Variants in TMEM65 observed in about 807,000 individuals in gnomAD.
TMEM65 encodes the protein transmembrane protein 65.
TMEM65 carries 22 observed loss-of-function variants against 25.4 expected under a neutral mutation model. The observed-to-expected ratio is 0.86, with a 90% CI of 0.62 to 1.23. TMEM65 has a LOEUF of 1.23. Among genes scored for constraint, TMEM65 ranks in the 50% most tolerant of loss-of-function variants. TMEM65 has a pLI of 0.00. For missense variants in TMEM65, 262 were observed against 308.2 expected (o/e 0.85, Z 1.12); for synonymous variants, 132 against 126.2 (o/e 1.05, Z -0.31).
At chr8:124,330,467 C>T (rs1422196713) in intron 2 of TMEM65, among the ~76,000 whole-genome samples, 1 of 151,760 alleles carries the variant, frequency 6.6e-6, no homozygotes, top group East Asian at 1.9e-4. Context: ...ATCCTTTTTC[C>T]TAGAAATTAA....
intron 1 of TMEM65, among the ~76,000 whole-genome samples, chr8:124,352,312 G>GA (rs1814720147): frequency 6.6e-6 from 1 of 151,874 alleles, no homozygotes. Context: ...CTATAATAAT[G>GA]AAAAATGAAT....
chr8:124,321,135 A>G (rs530229100), intron 5 of TMEM65, among the ~76,000 whole-genome samples: 1 of 152,324 alleles, frequency 6.6e-6, no homozygotes, highest in South Asian at 2.1e-4. Flanking sequence ...AATTCGAAGA[A>G]TATAAAATTC....
chr8:124,361,438 G>GAA (rs113824233), intron 1 of TMEM65, among the ~76,000 whole-genome samples: 1 of 85,210 alleles, frequency 1.2e-5, no homozygotes, highest in African/African-American at 4.3e-5. Context: ...TCTGTCTCAC[G>GAA]AAAAAAAAAA....
intron 1 of TMEM65, among the ~76,000 whole-genome samples, chr8:124,351,312 G>A (rs1028023497): frequency 1.3e-5 from 2 of 152,020 alleles, no homozygotes; most frequent in African/African-American, 4.8e-5. Context: ...GTAACAGATG[G>A]GAAAAGTTGT....
chr8:124,347,506 G>A (rs985893742), intron 1 of TMEM65, among the ~76,000 whole-genome samples: 21 of 151,996 alleles, frequency 1.4e-4, no homozygotes, highest in African/African-American at 5.1e-4. Flanking sequence ...TCAGGTGATG[G>A]GTACACCAAA....
rs937510442 is a variant in TMEM65, at chr8:124,310,930, A to G, written c.*3030T>C. 3.9e-5 allele frequency: 6 copies of G among 152,160 alleles called. No homozygotes were observed. The highest frequency in any genetic ancestry group is 1.4e-4 in the African/African-American group (6 of 41,450). The allele number at this position is 152,160 out of a possible 1,614,324, so 9.4% of individuals were successfully genotyped here. A position where few individuals can be genotyped will look rare whatever the true frequency, so the allele number is the denominator to read the frequency against. On this transcript the variant is annotated 3_prime_UTR_variant, in exon 7 of 7. Transcript: ENST00000297632. ...ATAAAGATAATGCTTAGCCACTAAGAAAAAGGTTATATTATATTTAATATA... is the reference window on the plus strand; with the variant it reads ...ATAAAGATAATGCTTAGCCACTAAGGAAAAGGTTATATTATATTTAATATA...
chr8:124,362,272 T>G (rs1171808892), intron 1 of TMEM65, among the ~76,000 whole-genome samples: 11 of 152,116 alleles, frequency 7.2e-5, no homozygotes, highest in Admixed American at 1.3e-4. Flanking sequence ...ATCTATCTAG[T>G]TTAGAAGATA....
intron 1 of TMEM65, among the ~76,000 whole-genome samples, chr8:124,356,436 T>G (rs1052314818): frequency 2.0e-5 from 3 of 152,218 alleles, no homozygotes; most frequent in African/African-American, 7.2e-5. Flanking sequence ...CATTTCTGAC[T>G]TATGAGTAAA....
intron 1 of TMEM65, among the ~76,000 whole-genome samples, chr8:124,345,997 G>A (rs141283956): frequency 0.012 from 1,808 of 152,126 alleles, 42 homozygotes; most frequent in African/African-American, 0.033. Flanking sequence ...CGTCTGCCTC[G>A]GCCTCCCATA....
At chr8:124,344,556 T>C (rs1194515461) in intron 1 of TMEM65, among the ~76,000 whole-genome samples, 1 of 152,186 alleles carries the variant, frequency 6.6e-6, no homozygotes, top group Non-Finnish European at 1.5e-5. Context: ...CTGCATGCAA[T>C]AGCTAACACC....
At chr8:124,323,615 CA>C (rs1325387584) in intron 3 of TMEM65, among the ~76,000 whole-genome samples, 1 of 151,846 alleles carries the variant, frequency 6.6e-6, no homozygotes, top group Non-Finnish European at 1.5e-5. Context: ...ATAAAATTAG[CA>C]ACACATGTAG....
chr8:124,360,810 GA>G (rs938606781), intron 1 of TMEM65, among the ~76,000 whole-genome samples: 42 of 152,008 alleles, frequency 2.8e-4, no homozygotes, highest in African/African-American at 8.0e-4. Context: ...GTAGAATGGG[GA>G]AAAAAAATTA....
intron 1 of TMEM65, among the ~76,000 whole-genome samples, chr8:124,331,701 C>A (rs1285096452): frequency 6.6e-6 from 1 of 151,650 alleles, no homozygotes; most frequent in Non-Finnish European, 1.5e-5. Context: ...ACCAACTGGA[C>A]AGAATTAATT....
chr8:124,359,085 C>T (rs1276177699), intron 1 of TMEM65, among the ~76,000 whole-genome samples: 1 of 152,222 alleles, frequency 6.6e-6, no homozygotes, highest in African/African-American at 2.4e-5. Flanking sequence ...AATGGCAACA[C>T]TGCCGGGGAT....
intron 1 of TMEM65, among the ~76,000 whole-genome samples, chr8:124,351,588 TCA>T (rs1814708885): frequency 6.6e-6 from 1 of 152,194 alleles, no homozygotes; most frequent in Non-Finnish European, 1.5e-5. Flanking sequence ...TGATAAATTG[TCA>T]CACACTTTTC....
At chr8:124,317,062 T>C (rs987206895) in intron 6 of TMEM65, among the ~76,000 whole-genome samples, 3 of 152,164 alleles carry the variant, frequency 2.0e-5, no homozygotes, top group Non-Finnish European at 2.9e-5. Context: ...TAGTAATTAT[T>C]GCAGATTTAA....
In TMEM65 at chr8:124,327,421, A is replaced by G. The variant is rs1456178811; in HGVS notation, c.350T>C (p.Val117Ala). The change falls in exon 3 of 7, where the codon GTA becomes GCA. Residue 117 changes from valine (V) to alanine (A), a missense_variant and splice_region_variant. Physicochemically the swap from Val to Ala is moderately conservative, Grantham distance 64. Coordinates refer to ENST00000297632, the MANE Select transcript of TMEM65 (RefSeq NM_194291.3). Reference sequence around the variant, plus strand: ...GAAAGGTATCGCATTGTGGATGAATACTGAAAAACATCAAAAACAGAAAAA... The same window carrying G: ...GAAAGGTATCGCATTGTGGATGAATGCTGAAAAACATCAAAAACAGAAAAA... ...PPPTPGQLRY[V>A]FIHNAIPFIG... is the part of the protein sequence containing the mutation. The G allele has an allele frequency of 3.2e-6, 5 of 1,582,570 alleles. No homozygotes were observed. The Admixed American group carries it at 7.3e-5, about 23-fold the overall frequency.
chr8:124,360,721 T>C (rs2131226845), intron 1 of TMEM65, among the ~76,000 whole-genome samples: 1 of 152,280 alleles, frequency 6.6e-6, no homozygotes, highest in East Asian at 1.9e-4. Context: ...CTAAGAGCCA[T>C]CCCTTTGAAA....
At chr8:124,322,663 GA>G (rs914433619) in intron 4 of TMEM65, among the ~76,000 whole-genome samples, 17 of 146,656 alleles carry the variant, frequency 1.2e-4, no homozygotes, top group Non-Finnish European at 2.1e-4. Flanking sequence ...CCCAACTCAA[GA>G]AAAAAAAAAT....
Sources: gnomAD v4.1 joint callset for allele counts (sites outside exome capture counted in the v4.1 genomes callset) on GRCh38, gnomAD v4.1.1 for gene constraint, MANE v1.5 for transcripts, NCBI Gene and HGNC (gene_info 2026-07-23, HGNC 2026-07-21) for gene names.